The following NOS1 variants were observed in gnomAD, a reference collection of about 807,000 sequenced individuals.
NOS1 encodes the protein nitric oxide synthase 1.
In NOS1, 51 loss-of-function variants were observed where a neutral mutation model predicts 164.5. The observed-to-expected ratio is 0.31, with a 90% CI of 0.25 to 0.39. The LOEUF (loss-of-function observed/expected upper bound fraction) is 0.39, where lower values mean the gene tolerates loss of function less well. Among genes scored for constraint, NOS1 ranks in the 10% least tolerant of loss-of-function variants. The pLI is 1.00. For missense variants in NOS1, 1,362 were observed against 1,885.6 expected, an observed-to-expected ratio of 0.72 and a Z score of 5.14; for synonymous variants, 719 against 745.8, an observed-to-expected ratio of 0.96 and a Z score of 0.59.
chr12:117,234,703 G>A lies in NOS1; in HGVS notation c.3097C>T (p.Gln1033Ter). The A allele has an allele frequency of 1.2e-6, 2 of 1,614,030 alleles. No individual in the cohort carries two copies. Among genetic ancestry groups the A allele is most frequent in the Non-Finnish European group, 1.7e-6 (2 of 1,179,920 alleles). Residue 1033 changes from glutamine (Q) to a stop codon, truncating the protein, a stop_gained, in exon 21 of 29, where the codon CAG becomes TAG. Transcript: ENST00000317775. LOFTEE classifies it high-confidence loss of function. This position sits in a 1 kb window ranked among gnomAD's most constrained non-coding sequence, Gnocchi z 4.3. ...AAGACACCCAGGTGGTCCCCAGGCTGGTACTGCAGCTCCTGGCTCCCGTTG... is the reference window on the plus strand; with the variant it reads ...AAGACACCCAGGTGGTCCCCAGGCTAGTACTGCAGCTCCTGGCTCCCGTTG... ...HTNGSQELQY[Q>*]PGDHLGVFPG... is the part of the protein sequence containing the mutation.
In NOS1 at chr12:117,234,716, C is replaced by T. The variant is rs1045290459; in HGVS notation, c.3084G>A (p.Gln1028=). 1.8e-5 allele frequency: 29 copies of T among 1,613,806 alleles called. No homozygotes were observed. Among genetic ancestry groups the T allele is most frequent in the Non-Finnish European group, 2.5e-5 (29 of 1,179,812 alleles). The change falls in exon 21 of 29, where the codon CAG becomes CAA. Residue 1028 remains glutamine (Q), a synonymous_variant. Coordinates refer to ENST00000317775, the MANE Select transcript of NOS1 (RefSeq NM_000620.5). The surrounding 1 kb of genome is among the most constrained non-coding windows in gnomAD (Gnocchi z 4.3). ...IFVRLHTNGS[Q]ELQYQPGDHL... The stretch of plus-strand genomic sequence containing the variant: ...GGTCCCCAGGCTGGTACTGCAGCTC[C>T]TGGCTCCCGTTGGTGTGGAGACGCA...
intron 17 of NOS1, among the ~76,000 whole-genome samples, chr12:117,250,609 G>A (rs775362405): frequency 5.9e-5 from 9 of 152,156 alleles, no homozygotes; most frequent in Non-Finnish European, 1.0e-4. Context: ...GATTACAGGC[G>A]TGAGCTGCCG....
chr12:117,277,358 G>A (rs1036585504), intron 9 of NOS1, among the ~76,000 whole-genome samples: 5 of 152,038 alleles, frequency 3.3e-5, no homozygotes, highest in Admixed American at 3.3e-4. Flanking sequence ...GCTGAGGTGG[G>A]AGGATCACTT....
rs568563248 is a variant in NOS1 at position 117,209,577 on chromosome 12, C to T, written c.*5732G>A. ...GTTTTGGGCCAGACGGGCATAGCCC[C>T]GCTTGACCAGAACTGTTTGGGTATT... On this transcript the variant is annotated 3_prime_UTR_variant, in exon 29 of 29. Transcript: ENST00000317775. The T allele has an allele frequency of 4.0e-5, 39 of 985,478 alleles. No individual in the cohort carries two copies. The highest frequency in any genetic ancestry group is 3.0e-4 in the African/African-American group (17 of 57,364). The allele number at this position is 985,478 out of a possible 1,614,324, so 61.0% of individuals were successfully genotyped here.
At chr12:117,233,342 C>T (rs938453554) in intron 21 of NOS1, among the ~76,000 whole-genome samples, 1 of 151,798 alleles carries the variant, frequency 6.6e-6, no homozygotes, top group East Asian at 2.0e-4. Context: ...AGCAACCATG[C>T]CCGGCCTGAT....
intron 16 of NOS1, among the ~76,000 whole-genome samples, chr12:117,257,823 A>C (rs9658438): frequency 0.019 from 2,118 of 112,738 alleles, 45 homozygotes; most frequent in African/African-American, 0.072. Context: ...TTTTTTTTTG[A>C]GATGGAGTTT....
At chr12:117,327,787 G>A (rs370082708) in intron 2 of NOS1, among the ~76,000 whole-genome samples, 7 of 152,156 alleles carry the variant, frequency 4.6e-5, no homozygotes, top group East Asian at 3.9e-4. Flanking sequence ...GGAATGTACC[G>A]AGGAAAAAAG....
At chr12:117,294,439 A>G (rs533474350) in intron 3 of NOS1, among the ~76,000 whole-genome samples, 1 of 152,210 alleles carries the variant, frequency 6.6e-6, no homozygotes, top group East Asian at 1.9e-4. Flanking sequence ...TGGCTGCCCG[A>G]GTGCGAGCCG....
chr12:117,249,608 A>G (rs1484223426), intron 17 of NOS1, among the ~76,000 whole-genome samples: 1 of 152,222 alleles, frequency 6.6e-6, no homozygotes, highest in African/African-American at 2.4e-5. Context: ...GGAATGAAAT[A>G]GTTATAAGTA....
At chr12:117,334,509 G>A (rs997272217) in intron 1 of NOS1, among the ~76,000 whole-genome samples, 1 of 152,078 alleles carries the variant, frequency 6.6e-6, no homozygotes, top group African/African-American at 2.4e-5. Context: ...CAATTCTCTA[G>A]CCTCAGCCTC....
At chr12:117,292,535 G>C (rs7977109) in intron 3 of NOS1, among the ~76,000 whole-genome samples, 1 of 151,980 alleles carries the variant, frequency 6.6e-6, no homozygotes, top group Non-Finnish European at 1.5e-5. Context: ...TAATACTGAA[G>C]ACTAACATTA....
At position 117,259,059 on chromosome 12, in the gene NOS1, G is replaced by A. The variant is rs1053649129; in HGVS notation, c.2439C>T (p.Thr813=). ...HETLVLVVTS[T]FGNGDPPENG... ...TCTCAGGGGGATCTCCATTGCCAAA[G>A]GTGCTGGTGACCACAAGGACCAGAG... The change falls in exon 15 of 29, where the codon ACC becomes ACT. Residue 813 remains threonine, a synonymous_variant. Coordinates refer to ENST00000317775, the MANE Select transcript of NOS1 (RefSeq NM_000620.5). 2 of 1,614,066 alleles carry A rather than the reference G, an allele frequency of 1.2e-6. No homozygotes were observed. The highest frequency in any genetic ancestry group is 2.2e-5 in the South Asian group (2 of 91,058).
intron 14 of NOS1, 133 bp downstream of exon 14, chr12:117,260,332 G>A: frequency 1.1e-6 from 1 of 884,974 alleles, no homozygotes; most frequent in Non-Finnish European, 1.7e-6. Flanking sequence ...AAATGTGTAT[G>A]TGAGCTGATA....
In NOS1 at chr12:117,356,760, G is replaced by A. The variant is rs946509232; in HGVS notation, c.-421+4752C>T. On this transcript the variant is annotated intron_variant, in intron 1 of 28. Transcript: ENST00000317775. The surrounding 1 kb of genome is among the most constrained non-coding windows in gnomAD (Gnocchi z 4.2). ...CCATACTTGAATTAGAGACTTAGGG[G>A]CACTTTCTGTTGACACGTCATTTTC... Among the ~76,000 whole-genome samples the A allele has an allele frequency of 3.9e-5, 6 of 152,206 alleles. No homozygotes were observed. Among genetic ancestry groups the A allele is most frequent in the African/African-American group, 1.4e-4 (6 of 41,450 alleles).
rs772541805 is a variant in NOS1, at chr12:117,267,998, C to G, written c.1941+45G>C. ...GCATCAAGGCTCTGAAAGGTTTGAACTCTCATTTGAAGCTTGACCCTGGTG... is the reference window on the plus strand; with the variant it reads ...GCATCAAGGCTCTGAAAGGTTTGAAGTCTCATTTGAAGCTTGACCCTGGTG... On this transcript the variant is annotated intron_variant, in intron 11 of 28. Coordinates refer to ENST00000317775, the MANE Select transcript of NOS1 (RefSeq NM_000620.5). 3.7e-4 allele frequency: 514 copies of G among 1,373,558 alleles called. 2 individuals are homozygous for G. Among genetic ancestry groups the G allele is most frequent in the Non-Finnish European group, 2.2e-5 (21 of 968,022 alleles). 85.1% of individuals were successfully genotyped at this position (1,373,558 alleles called of 1,614,324 possible). A position where few individuals can be genotyped will look rare whatever the true frequency, so the allele number is the denominator to read the frequency against.
intron 11 of NOS1, among the ~76,000 whole-genome samples, chr12:117,266,218 T>C (rs941500128): frequency 6.6e-6 from 1 of 152,150 alleles, no homozygotes; most frequent in African/African-American, 2.4e-5. Flanking sequence ...GCCCGAGCAG[T>C]ATACACTGCA....
intron 16 of NOS1, among the ~76,000 whole-genome samples, chr12:117,258,028 C>T (rs1042013781): frequency 6.6e-6 from 1 of 152,106 alleles, no homozygotes. Flanking sequence ...TGGTCTCGAA[C>T]TCCTGACCTT....
chr12:117,271,272 G>A (rs192896804), intron 10 of NOS1, among the ~76,000 whole-genome samples: 303 of 150,804 alleles, frequency 2.0e-3, no homozygotes, highest in Non-Finnish European at 3.6e-3. Flanking sequence ...CAGTGATACC[G>A]GTGGCTTTTT....
intron 3 of NOS1, among the ~76,000 whole-genome samples, chr12:117,304,494 C>G (rs1003749962): frequency 6.6e-6 from 1 of 152,208 alleles, no homozygotes; most frequent in East Asian, 1.9e-4. Flanking sequence ...CACACACATC[C>G]GTGAGGGTCT....
Sources: allele counts gnomAD v4.1 joint callset (sites outside exome capture counted in the v4.1 genomes callset), GRCh38; gene constraint gnomAD v4.1.1; non-coding constraint Gnocchi (gnomAD v3.1); transcripts MANE v1.5; gene names NCBI Gene and HGNC (gene_info 2026-07-23, HGNC 2026-07-21).